Variants in NBEAL1 observed in about 807,000 individuals in gnomAD.
NBEAL1 encodes neurobeachin-like protein 1.
In NBEAL1, 273 loss-of-function variants were observed where a neutral mutation model predicts 351.3. The observed-to-expected ratio is 0.78, with a 90% CI of 0.70 to 0.86. The LOEUF (loss-of-function observed/expected upper bound fraction) is 0.86, where lower values mean the gene tolerates loss of function less well. Among genes scored for constraint, NBEAL1 ranks in the 40% least tolerant of loss-of-function variants. The pLI is 0.00. For missense variants in NBEAL1, 2,961 were observed against 3,201.3 expected (o/e 0.92, Z 1.81); for synonymous variants, 1,050 against 1,086.4 (o/e 0.97, Z 0.66).
chr2:203,204,939 C>A (rs1282092203), intron 51 of NBEAL1, among the ~76,000 whole-genome samples: 2 of 152,036 alleles, frequency 1.3e-5, no homozygotes, highest in African/African-American at 4.8e-5. Flanking sequence ...GTAGATAATA[C>A]AATCATGTGA....
At chr2:203,025,729 CAG>C (rs2060846475) in intron 2 of NBEAL1, among the ~76,000 whole-genome samples, 1 of 152,142 alleles carries the variant, frequency 6.6e-6, no homozygotes. Flanking sequence ...TCTGTGAACT[CAG>C]AGGACACTTG....
At chr2:203,130,591 T>C (rs992496098) in intron 25 of NBEAL1, 115 bp downstream of exon 25, 2 of 637,880 alleles carry the variant, frequency 3.1e-6, no homozygotes, top group Non-Finnish European at 2.3e-6. Flanking sequence ...TTCTCTAAGA[T>C]GTTCAACTTA....
intron 17 of NBEAL1, among the ~76,000 whole-genome samples, chr2:203,114,952 A>G (rs2062657253): frequency 6.6e-6 from 1 of 151,882 alleles, no homozygotes; most frequent in South Asian, 2.1e-4. Context: ...AGGTTTCGCC[A>G]TGTTCGCTAG....
At chr2:203,141,397 T>TTTTTTTTTG in intron 31 of NBEAL1, among the ~76,000 whole-genome samples, 1 of 129,842 alleles carries the variant, frequency 7.7e-6, no homozygotes, top group Non-Finnish European at 1.6e-5. Context: ...TTTTTTTTTT[T>TTTTTTTTTG]TCAGATGGAG....
At chr2:203,129,918 C>T (rs2063034492) in intron 24 of NBEAL1, among the ~76,000 whole-genome samples, 1 of 152,090 alleles carries the variant, frequency 6.6e-6, no homozygotes, top group Admixed American at 6.6e-5. Flanking sequence ...TATCAGAGGC[C>T]AGGTGCAGTG....
chr2:203,083,398 A>C lies in NBEAL1; in HGVS notation c.864A>C (p.Gln288His), dbSNP rs2061906934. 1 of 1,555,294 alleles carries C rather than the reference A, an allele frequency of 6.4e-7. No homozygotes were observed. The highest frequency in any genetic ancestry group is 1.7e-4 in the Middle Eastern group (1 of 5,994). ...ILLSSNSDQR[Q>H]VETSTILENY... The stretch of plus-strand genomic sequence containing the variant: ...TCAGTAGCAACTCTGATCAGCGTCA[A>C]GTGGAAACCAGTACTATTCTGGAGA... Residue 288 changes from glutamine (Q) to histidine (H), a missense_variant, in exon 9 of 56, where the codon CAA becomes CAC. Coordinates refer to ENST00000683969, the MANE Select transcript of NBEAL1 (RefSeq NM_001378026.1).
chr2:203,107,962 T>C lies in NBEAL1; in HGVS notation c.1723T>C (p.Tyr575His), dbSNP rs756846724. The change falls in exon 14 of 56, where the codon TAT (tyrosine) becomes CAT (histidine). Residue 575 changes from tyrosine (Y) to histidine (H), a missense_variant. Physicochemically the swap from Tyr to His is moderately conservative, Grantham distance 83 (BLOSUM62 2). Coordinates refer to ENST00000683969, the MANE Select transcript of NBEAL1 (RefSeq NM_001378026.1). ...GGATGAATCTGAGTCTGTTCACCCT[T>C]ATGTCACTCCCGTGACTCGAGCAAT... ...RVDESESVHPYVTPVTRAILT... is the reference protein window; with the variant it reads ...RVDESESVHPHVTPVTRAILT... 1 of 1,554,490 alleles carries C rather than the reference T, an allele frequency of 6.4e-7. No individual in the cohort carries two copies. Among genetic ancestry groups the C allele is most frequent in the African/African-American group, 1.4e-5 (1 of 73,590 alleles).
intron 53 of NBEAL1, 21 bp downstream of exon 53, chr2:203,209,343 T>A: frequency 6.3e-7 from 1 of 1,587,756 alleles, no homozygotes; most frequent in Non-Finnish European, 8.6e-7. Flanking sequence ...TTTCATGCAA[T>A]AGAGGTAGAC....
Position 203,099,642 on chromosome 2 carries a change from A to C in NBEAL1, c.1199A>C (p.Gln400Pro), listed in dbSNP as rs771630829. 1.3e-6 allele frequency: 2 copies of C among 1,548,758 alleles called. No individual in the cohort carries two copies. Among genetic ancestry groups the C allele is most frequent in the East Asian group, 4.8e-5 (2 of 41,256 alleles). ...CCCCCTCAATAGGTGTTTCAGGGAC[A>C]ATTGGATTGTTTGGCCATATCAACC... The part of the protein sequence containing the change: ...EMNEDQVFQG[Q>P]LDCLAISTIQ... The change falls in exon 12 of 56, where the codon CAA (glutamine) becomes CCA (proline). Residue 400 changes from glutamine to proline, a missense_variant. Coordinates refer to ENST00000683969, the MANE Select transcript of NBEAL1 (RefSeq NM_001378026.1).
At chr2:203,102,274 T>C (rs1574971345) in intron 12 of NBEAL1, among the ~76,000 whole-genome samples, 1 of 152,202 alleles carries the variant, frequency 6.6e-6, no homozygotes, top group Non-Finnish European at 1.5e-5. Context: ...GTTTGACTTA[T>C]TCTCTTCCTA....
chr2:203,201,765 TTAAGTA>T, intron 50 of NBEAL1, 50 bp downstream of exon 50: 1 of 1,499,716 alleles, frequency 6.7e-7, no homozygotes, highest in Non-Finnish European at 9.0e-7. Context: ...TCTTTTTTTC[TTAAGTA>T]TAAAAGTAGT....
intron 40 of NBEAL1, among the ~76,000 whole-genome samples, chr2:203,172,520 C>CA (rs1015447042): frequency 9.5e-5 from 14 of 146,698 alleles, no homozygotes; most frequent in African/African-American, 7.5e-5. Flanking sequence ...GACTTTGTCT[C>CA]AAAAAAAAAG....
At chr2:203,132,722 T>C (rs992226318) in intron 26 of NBEAL1, among the ~76,000 whole-genome samples, 3 of 152,162 alleles carry the variant, frequency 2.0e-5, no homozygotes, top group African/African-American at 7.2e-5. Context: ...CAGTAGAATT[T>C]ATGCCAGATG....
At chr2:203,134,008 C>A (rs2063139136) in intron 27 of NBEAL1, among the ~76,000 whole-genome samples, 1 of 151,752 alleles carries the variant, frequency 6.6e-6, no homozygotes, top group Admixed American at 6.6e-5. Flanking sequence ...TTATGTTTTC[C>A]AATTTGTGGT....
intron 6 of NBEAL1, among the ~76,000 whole-genome samples, chr2:203,066,180 T>G (rs111620359): frequency 0.036 from 5,490 of 152,304 alleles, 130 homozygotes; most frequent in Middle Eastern, 0.065. Context: ...ATTATGTTAA[T>G]CAGGTGAGGA....
chr2:203,035,658 A>G (rs2061030379), intron 2 of NBEAL1, among the ~76,000 whole-genome samples: 1 of 149,084 alleles, frequency 6.7e-6, no homozygotes, highest in Admixed American at 6.8e-5. Context: ...GGTAGGAAGT[A>G]TTATCTTCAT....
intron 15 of NBEAL1, among the ~76,000 whole-genome samples, chr2:203,110,716 T>TAAATAAATAAATAAATAA (rs1387132496): frequency 4.1e-5 from 3 of 73,692 alleles, no homozygotes; most frequent in African/African-American, 1.3e-4. Context: ...TAAATAAATA[T>TAAATAAATAAATAAATAA]ATAGAACGTT....
At chr2:203,139,500 A>T (rs1174549622) in intron 31 of NBEAL1, among the ~76,000 whole-genome samples, 1 of 149,402 alleles carries the variant, frequency 6.7e-6, no homozygotes, top group Non-Finnish European at 1.5e-5. Flanking sequence ...AACTAGATAT[A>T]ATATTAATAA....
chr2:203,161,585 CT>C (rs2063961617), intron 36 of NBEAL1, among the ~76,000 whole-genome samples: 1 of 151,614 alleles, frequency 6.6e-6, no homozygotes, highest in Non-Finnish European at 1.5e-5. Context: ...GCTGAGATCA[CT>C]CCACTGCACT....
Sources: gnomAD v4.1 joint callset for allele counts (sites outside exome capture counted in the v4.1 genomes callset) on GRCh38, gnomAD v4.1.1 for gene constraint, MANE v1.5 for transcripts, NCBI Gene and HGNC (gene_info 2026-07-23, HGNC 2026-07-21) for gene names.